The following CNTNAP5 variants were observed in gnomAD, a reference collection of about 807,000 sequenced individuals.
CNTNAP5 encodes the protein contactin associated protein family member 5.
A neutral mutation model predicts 150.2 loss-of-function variants in CNTNAP5; 72 were observed. The ratio of observed to expected loss-of-function variants is 0.48; its 90% CI spans 0.40 to 0.58. The LOEUF is 0.58. Ranked by LOEUF, CNTNAP5 falls within the 20% of genes least tolerant of loss-of-function variation. CNTNAP5 has a pLI of 0.00. For synonymous variants in CNTNAP5, 672 were observed against 619.8 expected (o/e 1.08, Z -1.25); for missense variants, 1,636 against 1,626.2 (o/e 1.01, Z -0.10).
chr2:124,785,056 AAC>A (rs1553441948), intron 17 of CNTNAP5, among the ~76,000 whole-genome samples: 6 of 150,246 alleles, frequency 4.0e-5, no homozygotes, highest in African/African-American at 1.5e-4. Context: ...AAAAAAAAAA[AAC>A]AAAAGAAAAA....
At chr2:124,701,783 A>G (rs1232547183) in intron 13 of CNTNAP5, among the ~76,000 whole-genome samples, 1 of 152,082 alleles carries the variant, frequency 6.6e-6, no homozygotes, top group Non-Finnish European at 1.5e-5. Flanking sequence ...GAGCACCTTT[A>G]CATATGCCTG....
chr2:124,452,866 A>G (rs1693022517), intron 6 of CNTNAP5, among the ~76,000 whole-genome samples: 1 of 152,150 alleles, frequency 6.6e-6, no homozygotes, highest in Admixed American at 6.5e-5. Flanking sequence ...GGACATAAGG[A>G]ACTGTACAAC....
intron 1 of CNTNAP5, among the ~76,000 whole-genome samples, chr2:124,148,260 C>T (rs1280607373): frequency 6.6e-6 from 1 of 151,058 alleles, no homozygotes; most frequent in Non-Finnish European, 1.5e-5. Flanking sequence ...GATTGCGCCA[C>T]TGCATTCCAG....
chr2:124,527,024 G>T (rs1573437034), intron 9 of CNTNAP5, among the ~76,000 whole-genome samples: 2 of 152,140 alleles, frequency 1.3e-5, no homozygotes, highest in Admixed American at 1.3e-4. Context: ...GAAAAACAAA[G>T]TAAGAAGGAG....
chr2:124,532,952 C>T (rs1695144475), intron 10 of CNTNAP5, among the ~76,000 whole-genome samples: 1 of 152,030 alleles, frequency 6.6e-6, no homozygotes, highest in African/African-American at 2.4e-5. Context: ...CTTAAGTGCC[C>T]CGCCACCCTT....
intron 3 of CNTNAP5, among the ~76,000 whole-genome samples, chr2:124,253,342 T>C (rs1687232850): frequency 6.6e-6 from 1 of 152,156 alleles, no homozygotes; most frequent in African/African-American, 2.4e-5. Flanking sequence ...GGTATAAATA[T>C]ATGTGTCTAT....
chr2:124,065,629 T>A (rs1682134005), intron 1 of CNTNAP5, among the ~76,000 whole-genome samples: 1 of 152,108 alleles, frequency 6.6e-6, no homozygotes, highest in Admixed American at 6.6e-5. Context: ...GCAGCAGCTA[T>A]AATGTCCCCA....
chr2:124,034,531 G>T (rs1177347456), intron 1 of CNTNAP5, among the ~76,000 whole-genome samples: 1 of 152,166 alleles, frequency 6.6e-6, no homozygotes, highest in Non-Finnish European at 1.5e-5. Context: ...CCCTCACTTA[G>T]TTCCTGGGTT....
chr2:124,299,663 G>A (rs927778841), intron 3 of CNTNAP5, among the ~76,000 whole-genome samples: 3 of 152,162 alleles, frequency 2.0e-5, no homozygotes, highest in South Asian at 2.1e-4. Flanking sequence ...GTGCGTGTGT[G>A]TAGAAGCACT....
intron 12 of CNTNAP5, among the ~76,000 whole-genome samples, chr2:124,636,632 C>T (rs1417857259): frequency 6.6e-6 from 1 of 151,190 alleles, no homozygotes; most frequent in African/African-American, 2.5e-5. Context: ...GCCAATTACT[C>T]CTTAACTCTG....
intron 13 of CNTNAP5, among the ~76,000 whole-genome samples, chr2:124,686,626 A>T (rs1488517937): frequency 6.6e-6 from 1 of 152,154 alleles, no homozygotes; most frequent in Non-Finnish European, 1.5e-5. Context: ...CCCAGCTGCC[A>T]TCTGACTGCA....
intron 1 of CNTNAP5, among the ~76,000 whole-genome samples, chr2:124,150,021 C>T (rs1558775970): frequency 6.6e-6 from 1 of 152,044 alleles, no homozygotes; most frequent in African/African-American, 2.4e-5. Flanking sequence ...CTGCTTTACT[C>T]AAAAAAATCT....
At chr2:124,173,283 A>C (rs1431834718) in intron 1 of CNTNAP5, among the ~76,000 whole-genome samples, 1 of 152,196 alleles carries the variant, frequency 6.6e-6, no homozygotes, top group African/African-American at 2.4e-5. Flanking sequence ...GCCTCTCAGT[A>C]CTCAAGTGAA....
intron 1 of CNTNAP5, among the ~76,000 whole-genome samples, chr2:124,049,915 G>A (rs566833676): frequency 1.2e-4 from 18 of 152,218 alleles, no homozygotes; most frequent in African/African-American, 4.1e-4. Context: ...CTCACATGGT[G>A]GAGGGAGCGA....
intron 12 of CNTNAP5, among the ~76,000 whole-genome samples, chr2:124,629,200 C>T (rs1157938377): frequency 1.3e-5 from 2 of 152,064 alleles, no homozygotes; most frequent in African/African-American, 4.8e-5. Context: ...CAGCTCTAGG[C>T]CAAGTGGACC....
intron 1 of CNTNAP5, among the ~76,000 whole-genome samples, chr2:124,089,976 A>G (rs1212723655): frequency 6.6e-6 from 1 of 152,236 alleles, no homozygotes; most frequent in Non-Finnish European, 1.5e-5. Flanking sequence ...CTTCTCTGTT[A>G]GTCTGTCTTT....
intron 13 of CNTNAP5, among the ~76,000 whole-genome samples, chr2:124,735,745 G>C (rs1277979476): frequency 6.6e-6 from 1 of 152,122 alleles, no homozygotes; most frequent in African/African-American, 2.4e-5. Flanking sequence ...TTTTCTGTGT[G>C]ATTTTGGGGA....
In CNTNAP5 at chr2:124,221,776, A is replaced by C. The variant is rs542472391; in HGVS notation, c.154A>C (p.Thr52Pro). Residue 52 changes from threonine (T) to proline (P), a missense_variant, in exon 2 of 24, where the codon ACT becomes CCT. Physicochemically the swap from Thr to Pro is conservative, Grantham distance 38. Coordinates refer to ENST00000682447, the MANE Select transcript of CNTNAP5 (RefSeq NM_001367498.1). ...AFSSSSDLTG[T>P]HSPAQLNWRV... is the part of the protein sequence containing the mutation. Reference sequence around the variant, plus strand: ...TTCCAGTTCCTCAGACCTCACTGGCACTCACAGCCCAGCTCAACTCAACTG... The same window carrying C: ...TTCCAGTTCCTCAGACCTCACTGGCCCTCACAGCCCAGCTCAACTCAACTG... 6.2e-6 allele frequency: 10 copies of C among 1,610,792 alleles called. 1 individual carries two copies. The South Asian group carries it at 1.1e-4, about 18-fold the overall frequency.
At chr2:124,352,521 G>A (rs750453819) in intron 3 of CNTNAP5, among the ~76,000 whole-genome samples, 3 of 152,112 alleles carry the variant, frequency 2.0e-5, no homozygotes, top group South Asian at 2.1e-4. Context: ...CAGAGTCCTC[G>A]GTGTCTGAAC....
Sources: gnomAD v4.1 joint callset for allele counts (sites outside exome capture counted in the v4.1 genomes callset) on GRCh38, gnomAD v4.1.1 for gene constraint, MANE v1.5 for transcripts, NCBI Gene and HGNC (gene_info 2026-07-23, HGNC 2026-07-21) for gene names.